The following HDGFL3 variants were observed in gnomAD, a reference collection of about 807,000 sequenced individuals.
HDGFL3 encodes hepatoma-derived growth factor-related protein 3.
HDGFL3 carries 6 observed loss-of-function variants against 27.6 expected under a neutral mutation model. The ratio of observed to expected loss-of-function variants is 0.22; its 90% CI spans 0.12 to 0.43. The LOEUF is 0.43. Among genes scored for constraint, HDGFL3 ranks in the 20% least tolerant of loss-of-function variants. The probability of loss-of-function intolerance (pLI) is 1.00; values close to 1 mark genes in which losing one functional copy is unlikely to be tolerated. For synonymous variants in HDGFL3, 88 were observed against 88.9 expected, an observed-to-expected ratio of 0.99 and a Z score of 0.05; for missense variants, 207 against 250.1, an observed-to-expected ratio of 0.83 and a Z score of 1.16.
intron 1 of HDGFL3, among the ~76,000 whole-genome samples, chr15:83,190,015 G>A (rs1025867079): frequency 1.1e-4 from 17 of 152,016 alleles, no homozygotes; most frequent in African/African-American, 4.1e-4. Context: ...AGACCAGCCT[G>A]GGCAACATAG....
intron 3 of HDGFL3, among the ~76,000 whole-genome samples, chr15:83,121,609 C>T (rs2035251156): frequency 6.6e-6 from 1 of 152,118 alleles, no homozygotes; most frequent in Non-Finnish European, 1.5e-5. Flanking sequence ...TCCTTTCATG[C>T]TGTTGAGTTT....
chr15:83,126,262 G>A (rs2035743586), downstream of HDGFL3, among the ~76,000 whole-genome samples: 1 of 152,134 alleles, frequency 6.6e-6, no homozygotes, highest in Admixed American at 6.5e-5. Flanking sequence ...GTGCCAAAAA[G>A]ACTTTCCAGC....
chr15:83,171,879 A>C (rs570252834), intron 1 of HDGFL3, among the ~76,000 whole-genome samples: 1 of 152,352 alleles, frequency 6.6e-6, no homozygotes, highest in Admixed American at 6.5e-5. Context: ...ATCTAAAATA[A>C]AAGTTGAAAA....
chr15:83,113,495 C>T (rs1052351351), exon 4 of HDGFL3: 1 of 152,818 alleles, frequency 6.5e-6, no homozygotes, highest in Non-Finnish European at 1.5e-5. Context: ...TTCCATCATG[C>T]ATGCTGCCCC....
chr15:83,164,367 C>CAAAAAAAAA (rs869303457), intron 1 of HDGFL3, among the ~76,000 whole-genome samples: 195 of 38,406 alleles, frequency 5.1e-3, no homozygotes, highest in African/African-American at 6.5e-3. Flanking sequence ...TTAGAGTAAC[C>CAAAAAAAAA]AAAAAAAAAA....
intron 3 of HDGFL3, among the ~76,000 whole-genome samples, chr15:83,118,602 T>G (rs541615040): frequency 6.6e-6 from 1 of 152,308 alleles, no homozygotes; most frequent in Admixed American, 6.5e-5. Context: ...GACAGAGCAG[T>G]CCTTGCCCCA....
At chr15:83,152,710 G>T (rs1300773282) in intron 4 of HDGFL3, among the ~76,000 whole-genome samples, 1 of 149,208 alleles carries the variant, frequency 6.7e-6, no homozygotes, top group Admixed American at 6.7e-5. Context: ...CAAAAAAAGA[G>T]AAAACGTCCT....
At chr15:83,140,102 ATG>A (rs1479319861) in intron 5 of HDGFL3, among the ~76,000 whole-genome samples, 1 of 152,074 alleles carries the variant, frequency 6.6e-6, no homozygotes, top group Non-Finnish European at 1.5e-5. Flanking sequence ...ATGAATGAAC[ATG>A]TTTGTAAGCA....
intron 1 of HDGFL3, among the ~76,000 whole-genome samples, chr15:83,206,076 TC>T (rs1240102318): frequency 1.3e-5 from 2 of 152,124 alleles, no homozygotes; most frequent in East Asian, 3.9e-4. Flanking sequence ...AGACACCAGG[TC>T]CCCCAATTCC....
intron 1 of HDGFL3, among the ~76,000 whole-genome samples, chr15:83,164,367 C>CAAAAAAGAAAAAA (rs2037138841): frequency 2.6e-5 from 1 of 38,380 alleles, no homozygotes; most frequent in Admixed American, 3.7e-4. Flanking sequence ...TTAGAGTAAC[C>CAAAAAAGAAAAAA]AAAAAAAAAA....
At chr15:83,149,900 GC>G (rs2036943386) in intron 5 of HDGFL3, among the ~76,000 whole-genome samples, 1 of 152,158 alleles carries the variant, frequency 6.6e-6, no homozygotes, top group Non-Finnish European at 1.5e-5. Flanking sequence ...GACTGGGTGT[GC>G]TTTGGAGAAA....
intron 5 of HDGFL3, among the ~76,000 whole-genome samples, chr15:83,140,110 A>C (rs1484871882): frequency 6.6e-6 from 1 of 152,168 alleles, no homozygotes; most frequent in Non-Finnish European, 1.5e-5. Context: ...ACATGTTTGT[A>C]AGCACATGTG....
chr15:83,189,609 A>C (rs1037390053), intron 1 of HDGFL3: 1 of 152,136 alleles, frequency 6.6e-6, no homozygotes, highest in Non-Finnish European at 1.5e-5. Flanking sequence ...ATTAAATTAC[A>C]TATTACTCTG....
chr15:83,194,312 CAT>C (rs1241737190), intron 1 of HDGFL3, among the ~76,000 whole-genome samples: 1 of 152,130 alleles, frequency 6.6e-6, no homozygotes, highest in Non-Finnish European at 1.5e-5. Context: ...CAAAAAAACA[CAT>C]ACCGTATAAT....
At chr15:83,201,040 G>T (rs2037639140) in intron 1 of HDGFL3, among the ~76,000 whole-genome samples, 1 of 151,940 alleles carries the variant, frequency 6.6e-6, no homozygotes, top group Admixed American at 6.6e-5. Context: ...TTTGTAACAT[G>T]AAGGTCAACC....
chr15:83,197,074 TAA>T, intron 1 of HDGFL3, among the ~76,000 whole-genome samples: 1 of 152,204 alleles, frequency 6.6e-6, no homozygotes, highest in Non-Finnish European at 1.5e-5. Flanking sequence ...TGTAGTTAAA[TAA>T]ATCTTTATCC....
In HDGFL3 at chr15:83,129,381, G is replaced by A. The variant is rs2036043600; in HGVS notation, c.*9889C>T. On this transcript the variant is annotated 3_prime_UTR_variant, in exon 6 of 6. Coordinates refer to ENST00000299633, the MANE Select transcript of HDGFL3 (RefSeq NM_016073.4). ...TCATGTGGGATATTTTCAAGGTCCA[G>A]GCCTGGCACCAGGTCAACTGAGGGG... The A allele has an allele frequency of 6.6e-6, 1 of 152,158 alleles. No individual in the cohort carries two copies. Among genetic ancestry groups the A allele is most frequent in the South Asian group, 2.1e-4 (1 of 4,820 alleles). The allele number at this position is 152,158 out of a possible 1,614,324, so 9.4% of individuals were successfully genotyped here.
intron 1 of HDGFL3, among the ~76,000 whole-genome samples, chr15:83,190,547 G>C (rs1239860886): frequency 6.6e-6 from 1 of 152,114 alleles, no homozygotes; most frequent in Non-Finnish European, 1.5e-5. Flanking sequence ...ATGAGGCAGA[G>C]CATCTTTTCA....
chr15:83,154,918 G>A (rs141734256), intron 4 of HDGFL3, among the ~76,000 whole-genome samples: 1 of 152,194 alleles, frequency 6.6e-6, no homozygotes, highest in African/African-American at 2.4e-5. Context: ...TCCCAGGCTG[G>A]AGGGCCGTGG....
Sources: gnomAD v4.1 joint callset for allele counts (sites outside exome capture counted in the v4.1 genomes callset) on GRCh38, gnomAD v4.1.1 for gene constraint, MANE v1.5 for transcripts, NCBI Gene and HGNC (gene_info 2026-07-23, HGNC 2026-07-21) for gene names.